The following TECTA variants were observed in gnomAD, a reference collection of about 807,000 sequenced individuals.
The protein encoded by TECTA is alpha-tectorin.
A neutral mutation model predicts 216.8 loss-of-function variants in TECTA; 128 were observed. The observed-to-expected ratio is 0.59, with a 90% CI of 0.51 to 0.68. The LOEUF (loss-of-function observed/expected upper bound fraction) is 0.68, where lower values mean the gene tolerates loss of function less well. Among genes scored for constraint, TECTA ranks in the 30% least tolerant of loss-of-function variants. The pLI, the probability that TECTA is intolerant of heterozygous loss-of-function variation, is 0.00. For missense variants in TECTA, 2,551 were observed against 2,786.2 expected, an observed-to-expected ratio of 0.92 and a Z score of 1.90; for synonymous variants, 1,089 against 1,117.1, an observed-to-expected ratio of 0.97 and a Z score of 0.50.
intron 20 of TECTA, among the ~76,000 whole-genome samples, chr11:121,169,702 A>G (rs1280981287): frequency 6.6e-6 from 1 of 152,160 alleles, no homozygotes; most frequent in Non-Finnish European, 1.5e-5. Context: ...TGTCACTCCA[A>G]TAGTTACTAT....
chr11:121,166,568 G>A lies in TECTA; in HGVS notation c.5384-10G>A. On this transcript the variant is annotated splice_polypyrimidine_tract_variant and intron_variant, in intron 17 of 23. Coordinates refer to ENST00000392793, the MANE Select transcript of TECTA (RefSeq NM_005422.4). ...CACTGATTTGCCTTTCGTAATAACT[G>A]TTCCCACAGACTCACATGACATTAT... 1 of 1,614,068 alleles carries A rather than the reference G, an allele frequency of 6.2e-7. No individual in the cohort carries two copies. The highest frequency in any genetic ancestry group is 8.5e-7 in the Non-Finnish European group (1 of 1,180,002).
At chr11:121,177,803 G>A (rs1201695850) in intron 20 of TECTA, among the ~76,000 whole-genome samples, 1 of 152,240 alleles carries the variant, frequency 6.6e-6, no homozygotes, top group Non-Finnish European at 1.5e-5. Flanking sequence ...GAGGCAGGCA[G>A]GCGTCCTTGA....
chr11:121,168,569 G>A lies in TECTA; in HGVS notation c.5751-108G>A. On this transcript the variant is annotated intron_variant, in intron 19 of 23. Transcript: ENST00000392793. ...ATTGGACAGCACAGCCTTAGACTTTGCTACTACGTGCTTTGCTTTCCCTCT... is the reference window on the plus strand; with the variant it reads ...ATTGGACAGCACAGCCTTAGACTTTACTACTACGTGCTTTGCTTTCCCTCT... 4 of 1,541,428 alleles carry A rather than the reference G, an allele frequency of 2.6e-6. No individual in the cohort carries two copies. The Admixed American group carries it at 6.8e-5, about 26-fold the overall frequency.
chr11:121,138,233 A>G (rs1017522193), intron 11 of TECTA, among the ~76,000 whole-genome samples: 3 of 152,226 alleles, frequency 2.0e-5, no homozygotes, highest in Non-Finnish European at 4.4e-5. Flanking sequence ...CCCAAGTCAC[A>G]TACACCAAGT....
chr11:121,138,933 T>G (rs1946757504), intron 11 of TECTA, among the ~76,000 whole-genome samples: 1 of 152,242 alleles, frequency 6.6e-6, no homozygotes, highest in Non-Finnish European at 1.5e-5. Flanking sequence ...CTTTTCATCT[T>G]GTATACATTC....
chr11:121,145,443 A>G, intron 11 of TECTA, 112 bp from the exon 12 acceptor site: 9 of 1,110,164 alleles, frequency 8.1e-6, no homozygotes, highest in Admixed American at 6.8e-5. Flanking sequence ...ACTGCATTCA[A>G]CCTGCTCAAA....
chr11:121,132,536 A>G (rs1010629819), intron 10 of TECTA, among the ~76,000 whole-genome samples: 1 of 152,042 alleles, frequency 6.6e-6, no homozygotes, highest in African/African-American at 2.4e-5. Context: ...AGTGTCATTG[A>G]TTCTAGCATT....
intron 20 of TECTA, among the ~76,000 whole-genome samples, chr11:121,174,779 C>T (rs1336397135): frequency 2.6e-5 from 4 of 152,040 alleles, no homozygotes; most frequent in African/African-American, 9.7e-5. Flanking sequence ...CCAGTTCCTC[C>T]TTGTACCTCT....
chr11:121,162,608 G>A (rs1947012829), intron 16 of TECTA, among the ~76,000 whole-genome samples: 1 of 152,226 alleles, frequency 6.6e-6, no homozygotes, highest in South Asian at 2.1e-4. Context: ...ACAAACGTGG[G>A]AAGATGGGGC....
At chr11:121,111,282 C>G (rs1017284061) in intron 4 of TECTA, among the ~76,000 whole-genome samples, 2 of 152,152 alleles carry the variant, frequency 1.3e-5, no homozygotes, top group African/African-American at 2.4e-5. Flanking sequence ...CCAAGTATCT[C>G]GTTCAAGTGG....
At position 121,137,946 on chromosome 11, in the gene TECTA, T is replaced by C. The variant is rs1251479180; in HGVS notation, c.3467T>C (p.Leu1156Ser). 3.7e-6 allele frequency: 6 copies of C among 1,611,226 alleles called. No homozygotes were observed. Among genetic ancestry groups the C allele is most frequent in the African/African-American group, 2.7e-5 (2 of 74,848 alleles). ...GAGGACCGGGACCCGTCACTGGCCT[T>C]GTGGGTTAAGCAGGTGGACGTGACC... The part of the protein sequence containing the change: ...KNEDRDPSLA[L>S]WVKQVDVTVF... The change falls in exon 11 of 24, where the codon TTG (leucine) becomes TCG (serine). Residue 1156 changes from leucine to serine, a missense_variant. Physicochemically the swap from Leu to Ser is moderately radical, Grantham distance 145 (BLOSUM62 -2). This residue lies in a region of TECTA where 2,375 missense variants were observed against 2,563.9 expected (regional missense o/e 0.93). Transcript: ENST00000392793.
rs557025249 is a variant in TECTA, at chr11:121,135,771, T to C, written c.2942-1650T>C. On this transcript the variant is annotated intron_variant, in intron 10 of 23. Coordinates refer to ENST00000392793, the MANE Select transcript of TECTA (RefSeq NM_005422.4). ...GCCAAAGAAAGTTTTAAAGGCGAGA[T>C]CTTATTTTCCCAGAAGATGGTGGGG... 7.2e-5 allele frequency among the ~76,000 whole-genome samples: 11 copies of C among 152,312 alleles called. No homozygotes were observed. The East Asian group carries it at 1.7e-3, about 24-fold the overall frequency.
chr11:121,131,213 CAA>C (rs10683692), intron 10 of TECTA, among the ~76,000 whole-genome samples: 2 of 70,828 alleles, frequency 2.8e-5, no homozygotes, highest in Admixed American at 1.9e-4. Context: ...GACTCCATCT[CAA>C]AAAAAAAAAA....
At chr11:121,109,720 C>G (rs1434390632) in intron 4 of TECTA, 1 of 577,472 alleles carries the variant, frequency 1.7e-6, no homozygotes, top group Non-Finnish European at 3.0e-6. Context: ...ACCCCTATCA[C>G]AAATCATCAC....
chr11:121,103,386 C>A (rs146461176), intron 2 of TECTA, among the ~76,000 whole-genome samples: 2,716 of 152,140 alleles, frequency 0.018, 18 homozygotes, highest in Middle Eastern at 0.037. Flanking sequence ...CTTTACCTTG[C>A]GAGTTTGTCT....
intron 7 of TECTA, among the ~76,000 whole-genome samples, chr11:121,120,659 ACTGTT>A (rs1317649632): frequency 6.6e-6 from 1 of 152,220 alleles, no homozygotes; most frequent in Admixed American, 6.5e-5. Context: ...TCCCCACTGA[ACTGTT>A]CTCAAATAAC....
intron 22 of TECTA, among the ~76,000 whole-genome samples, chr11:121,189,471 T>A (rs999679450): frequency 6.6e-6 from 1 of 152,110 alleles, no homozygotes; most frequent in African/African-American, 2.4e-5. Context: ...CCTCCCGGGT[T>A]CACGCCATTC....
At chr11:121,177,139 A>G (rs1285245270) in intron 20 of TECTA, among the ~76,000 whole-genome samples, 1 of 152,084 alleles carries the variant, frequency 6.6e-6, no homozygotes. Context: ...TGTAGCTCGG[A>G]GTAGTTTGAT....
At chr11:121,175,697 G>A (rs1217543255) in intron 20 of TECTA, among the ~76,000 whole-genome samples, 1 of 152,216 alleles carries the variant, frequency 6.6e-6, no homozygotes, top group African/African-American at 2.4e-5. Context: ...TTCTGTAGAT[G>A]TCTATTAGGT....
Sources: allele counts gnomAD v4.1 joint callset (sites outside exome capture counted in the v4.1 genomes callset), GRCh38; gene constraint gnomAD v4.1.1; regional missense constraint gnomAD v4.1.1; transcripts MANE v1.5; gene names NCBI Gene and HGNC (gene_info 2026-07-23, HGNC 2026-07-21).